UNC13C: variants seen among roughly 807,000 people sequenced by gnomAD.
UNC13C encodes protein unc-13 homolog C.
Under a neutral mutation model 245.4 loss-of-function variants are expected in UNC13C, and 174 were observed. The observed-to-expected ratio is 0.71, with a 90% CI of 0.63 to 0.80. UNC13C has a LOEUF of 0.80. Ranked by LOEUF, UNC13C falls within the 30% of genes least tolerant of loss-of-function variation. UNC13C has a pLI of 0.00. For missense variants in UNC13C, 2,829 were observed against 2,602.9 expected (o/e 1.09, Z -1.89); for synonymous variants, 992 against 895.1 (o/e 1.11, Z -1.93).
chr15:54,546,980 A>G (rs546542600), intron 27 of UNC13C, 135 bp downstream of exon 27: 2 of 801,304 alleles, frequency 2.5e-6, no homozygotes, highest in South Asian at 1.9e-5. Flanking sequence ...CTTAACAATG[A>G]TCATTCAAAT....
chr15:54,023,693 T>G (rs1895991607), intron 2 of UNC13C, among the ~76,000 whole-genome samples: 1 of 152,206 alleles, frequency 6.6e-6, no homozygotes, highest in African/African-American at 2.4e-5. Flanking sequence ...TTATAACTAT[T>G]AAATGGCTCC....
chr15:54,129,151 G>T (rs1295877837), intron 2 of UNC13C, among the ~76,000 whole-genome samples: 1 of 152,176 alleles, frequency 6.6e-6, no homozygotes, highest in Admixed American at 6.5e-5. Context: ...GTAATAGGGA[G>T]AGTAGGTCTA....
intron 17 of UNC13C, among the ~76,000 whole-genome samples, chr15:54,342,782 T>C (rs182628610): frequency 6.7e-6 from 1 of 149,398 alleles, no homozygotes; most frequent in East Asian, 2.4e-4. Flanking sequence ...TTTTTTGTTT[T>C]TGTTTTTGTT....
intron 18 of UNC13C, among the ~76,000 whole-genome samples, chr15:54,406,107 T>TATG (rs1396992656): frequency 6.6e-6 from 1 of 152,184 alleles, no homozygotes; most frequent in African/African-American, 2.4e-5. Context: ...ATAAGCTTTA[T>TATG]ATGACACGGG....
At chr15:54,432,346 A>C (rs1596366277) in intron 19 of UNC13C, among the ~76,000 whole-genome samples, 2 of 151,486 alleles carry the variant, frequency 1.3e-5, no homozygotes, top group South Asian at 2.1e-4. Context: ...AAAGCGTTCC[A>C]TAAGGAAGTG....
chr15:54,342,401 C>T (rs1267442504), intron 17 of UNC13C, among the ~76,000 whole-genome samples: 5 of 151,886 alleles, frequency 3.3e-5, no homozygotes, highest in Non-Finnish European at 7.4e-5. Context: ...CCTATCTCTA[C>T]AATTTTTTTT....
At chr15:54,605,814 C>T (rs1899737856) in intron 30 of UNC13C, among the ~76,000 whole-genome samples, 1 of 152,170 alleles carries the variant, frequency 6.6e-6, no homozygotes, top group South Asian at 2.1e-4. Context: ...AGCAATATGC[C>T]ATGAAGGCAA....
chr15:53,923,801 C>T, the UNC13C span, among the ~76,000 whole-genome samples: 6 of 152,332 alleles, frequency 3.9e-5, no homozygotes, highest in South Asian at 8.3e-4. Flanking sequence ...TTTCCTCCCA[C>T]GCTTAGCACA....
chr15:53,961,861 C>G, the UNC13C span, among the ~76,000 whole-genome samples: 1 of 152,128 alleles, frequency 6.6e-6, no homozygotes, highest in Non-Finnish European at 1.5e-5. Flanking sequence ...ATCTACAAAC[C>G]TACTTCTTAG....
chr15:53,940,622 C>G, the UNC13C span, among the ~76,000 whole-genome samples: 10 of 152,242 alleles, frequency 6.6e-5, no homozygotes, highest in African/African-American at 2.4e-4. Flanking sequence ...AGCAAAGTTT[C>G]AGGATATGAA....
At chr15:54,300,622 C>T (rs2037554491) in intron 13 of UNC13C, among the ~76,000 whole-genome samples, 1 of 152,138 alleles carries the variant, frequency 6.6e-6, no homozygotes. Context: ...GTATCAACAG[C>T]ACCTGGCAAC....
chr15:54,103,470 C>T (rs915856189), intron 2 of UNC13C, among the ~76,000 whole-genome samples: 4 of 152,120 alleles, frequency 2.6e-5, no homozygotes, highest in African/African-American at 9.7e-5. Context: ...TATAGTTTAC[C>T]AACCGTGTTC....
chr15:53,901,961 G>C, the UNC13C span, among the ~76,000 whole-genome samples: 2 of 151,928 alleles, frequency 1.3e-5, no homozygotes, highest in African/African-American at 4.8e-5. Context: ...ACAAAATTAA[G>C]TTATTACCCA....
At chr15:54,462,211 G>C (rs1214157404) in intron 19 of UNC13C, among the ~76,000 whole-genome samples, 1 of 152,208 alleles carries the variant, frequency 6.6e-6, no homozygotes, top group African/African-American at 2.4e-5. Flanking sequence ...ATAATAAAAA[G>C]AAAATAGAAT....
At chr15:54,562,048 C>T (rs1407566833) in intron 29 of UNC13C, among the ~76,000 whole-genome samples, 1 of 151,834 alleles carries the variant, frequency 6.6e-6, no homozygotes, top group Non-Finnish European at 1.5e-5. Flanking sequence ...AGGCTATTTT[C>T]CTAGTGCCAT....
intron 18 of UNC13C, among the ~76,000 whole-genome samples, chr15:54,401,493 T>A (rs1266410647): frequency 6.6e-6 from 1 of 152,128 alleles, no homozygotes; most frequent in African/African-American, 2.4e-5. Flanking sequence ...TACCAAGAAA[T>A]ACTAAGAGTG....
At chr15:54,128,648 A>G (rs1226164553) in intron 2 of UNC13C, among the ~76,000 whole-genome samples, 1 of 152,142 alleles carries the variant, frequency 6.6e-6, no homozygotes, top group Non-Finnish European at 1.5e-5. Context: ...ACATTTCTCT[A>G]GTGATTGAAA....
At chr15:53,933,771 C>A in the UNC13C span, among the ~76,000 whole-genome samples, 2 of 152,160 alleles carry the variant, frequency 1.3e-5, no homozygotes, top group South Asian at 2.1e-4. Context: ...ATTTATTGAA[C>A]TTTTAGGGTT....
At chr15:53,968,694 T>C in the UNC13C span, among the ~76,000 whole-genome samples, 1 of 152,262 alleles carries the variant, frequency 6.6e-6, no homozygotes, top group Non-Finnish European at 1.5e-5. Flanking sequence ...TTGTTTGTAA[T>C]TTGAGTTTGA....
Sources: gnomAD v4.1 joint callset for allele counts (sites outside exome capture counted in the v4.1 genomes callset) on GRCh38, gnomAD v4.1.1 for gene constraint, MANE v1.5 for transcripts, NCBI Gene and HGNC (gene_info 2026-07-23, HGNC 2026-07-21) for gene names.